The following KRIT1 variants were observed in gnomAD, a reference collection of about 807,000 sequenced individuals.
KRIT1 encodes the protein krev interaction trapped protein 1.
In KRIT1, 45 loss-of-function variants were observed where a neutral mutation model predicts 95.8. The observed-to-expected ratio is 0.47, with a 90% CI of 0.37 to 0.60. KRIT1 has a LOEUF of 0.60. Ranked by LOEUF, KRIT1 falls within the 20% of genes least tolerant of loss-of-function variation. The pLI, the probability that KRIT1 is intolerant of heterozygous loss-of-function variation, is 0.00. For missense variants in KRIT1, 788 were observed against 877.5 expected (o/e 0.90, Z 1.29); for synonymous variants, 282 against 278.8 (o/e 1.01, Z -0.11).
intron 17 of KRIT1, among the ~76,000 whole-genome samples, chr7:92,207,326 C>T (rs1204684181): frequency 1.3e-5 from 2 of 151,448 alleles, no homozygotes; most frequent in African/African-American, 2.4e-5. Flanking sequence ...GAAGAAACTA[C>T]AGGCCAGAAG....
rs889046518 is a variant in KRIT1, at chr7:92,234,636, A to G, written c.846-44T>C. 1.9e-6 allele frequency: 3 copies of G among 1,556,876 alleles called. No individual in the cohort carries two copies. The African/African-American group carries it at 4.1e-5, about 21-fold the overall frequency. On this transcript the variant is annotated intron_variant, in intron 9 of 18. Coordinates refer to ENST00000394505, the MANE Select transcript of KRIT1 (RefSeq NM_194454.3). ...TTTTGAAAAATACAACAGGACTGTA[A>G]AAATTGTTTCAAAAGAAATGTGACA...
intron 15 of KRIT1, 106 bp downstream of exon 15, chr7:92,214,505 C>T: frequency 3.6e-6 from 3 of 827,800 alleles, no homozygotes; most frequent in Admixed American, 2.4e-5. Flanking sequence ...TATTTAATTC[C>T]AAACCAATGT....
At chr7:92,234,411 ATTCT>A (rs1797966831) in intron 10 of KRIT1, 34 bp downstream of exon 10, 1 of 1,455,492 alleles carries the variant, frequency 6.9e-7, no homozygotes, top group African/African-American at 1.4e-5. Flanking sequence ...TAAAAAATGT[ATTCT>A]TTCTAAAAAG....
Position 92,226,687 on chromosome 7 carries a change from A to C in KRIT1, c.990-5T>G. ...GTGGCCTCAACTTTTCCATACCTGTATAAAAAAACAAACAAACAAAAAACA... is the reference window on the plus strand; with the variant it reads ...GTGGCCTCAACTTTTCCATACCTGTCTAAAAAAACAAACAAACAAAAAACA... On this transcript the variant is annotated splice_polypyrimidine_tract_variant and splice_region_variant and intron_variant, in intron 10 of 18. Coordinates refer to ENST00000394505, the MANE Select transcript of KRIT1 (RefSeq NM_194454.3). 2 of 1,612,428 alleles carry C rather than the reference A, an allele frequency of 1.2e-6. No homozygotes were observed. The highest frequency in any genetic ancestry group is 1.7e-6 in the Non-Finnish European group (2 of 1,179,214).
At chr7:92,213,778 C>T in intron 16 of KRIT1, 114 bp downstream of exon 16, 1 of 714,232 alleles carries the variant, frequency 1.4e-6, no homozygotes, top group Non-Finnish European at 2.5e-6. Flanking sequence ...CTAGAAGATA[C>T]ATTTTTAATT....
In KRIT1 at chr7:92,234,567, G is replaced by GA. The variant is rs771475911; in HGVS notation, c.870dup (p.Pro291SerfsTer8). ...CCTTCACAGGCGCTTCGGTGGAGAG[G>GA]AAAATCATCTACCCACTGTCGTTCC... On this transcript the variant is annotated frameshift_variant, in exon 10 of 19. Transcript: ENST00000394505. LOFTEE classifies it high-confidence loss of function. 2 of 1,613,096 alleles carry GA rather than the reference G, an allele frequency of 1.2e-6. No homozygotes were observed. Among genetic ancestry groups the GA allele is most frequent in the Non-Finnish European group, 1.7e-6 (2 of 1,179,168 alleles).
chr7:92,223,015 A>C, intron 12 of KRIT1, 37 bp from the exon 13 acceptor site: 1 of 1,335,754 alleles, frequency 7.5e-7, no homozygotes, highest in Non-Finnish European at 1.1e-6. Flanking sequence ...GAACTTAAAA[A>C]ATTATACATC....
chr7:92,229,359 C>A (rs1398636948), intron 10 of KRIT1, among the ~76,000 whole-genome samples: 1 of 152,186 alleles, frequency 6.6e-6, no homozygotes, highest in Non-Finnish European at 1.5e-5. Context: ...AGTACACAGA[C>A]AACCTACAGA....
chr7:92,200,640 C>A lies in KRIT1; in HGVS notation c.*96G>T. On this transcript the variant is annotated 3_prime_UTR_variant, in exon 19 of 19. Transcript: ENST00000394505. ...GTGCTGGAATTACAGGGGTGAGCCA[C>A]CATGCTCGGCCAAAAGTAATATTTT... 6 of 832,048 alleles carry A rather than the reference C, an allele frequency of 7.2e-6. 1 individual carries two copies. The highest frequency in any genetic ancestry group is 5.6e-5 in the South Asian group (4 of 70,844). 51.5% of individuals were successfully genotyped at this position (832,048 alleles called of 1,614,324 possible).
chr7:92,207,740 C>T lies in KRIT1; in HGVS notation c.2025+5455G>A, dbSNP rs999950530. 5.3e-5 allele frequency among the ~76,000 whole-genome samples: 8 copies of T among 152,056 alleles called. No individual in the cohort carries two copies. In the South Asian group the frequency reaches 1.2e-3, roughly 24 times the overall value. ...GGTGTGGTGGCACATGCCTGTAATC[C>T]CAGCTACTCAGGAGGCTAAGGCAGG... On this transcript the variant is annotated intron_variant, in intron 17 of 18. Transcript: ENST00000394505.
chr7:92,213,497 CA>C (rs1793323304), intron 16 of KRIT1, 96 bp from the exon 17 acceptor site: 4 of 772,384 alleles, frequency 5.2e-6, no homozygotes, highest in Non-Finnish European at 8.7e-6. Context: ...TTTCTAAAAT[CA>C]AGATTGCCCC....
intron 9 of KRIT1, 57 bp downstream of exon 9, chr7:92,234,751 T>A: frequency 8.3e-7 from 1 of 1,200,976 alleles, no homozygotes; most frequent in South Asian, 1.2e-5. Flanking sequence ...TAAACAATAC[T>A]TTAAATTAGA....
rs1025633213 is a variant in KRIT1 at position 92,200,399 on chromosome 7, G to C, written c.*337C>G. The C allele has an allele frequency of 1.1e-5, 3 of 284,122 alleles. No homozygotes were observed. The highest frequency in any genetic ancestry group is 6.7e-5 in the African/African-American group (3 of 44,660). The allele number at this position is 284,122 out of a possible 1,614,324, so 17.6% of individuals were successfully genotyped here. A position where few individuals can be genotyped will look rare whatever the true frequency, so the allele number is the denominator to read the frequency against. ...AGATGGAGTCTTGCTGTGTCACCCA[G>C]GCTAGCGTGCCGTGGTGCAATCTTG... On this transcript the variant is annotated 3_prime_UTR_variant, in exon 19 of 19. Transcript: ENST00000394505.
intron 17 of KRIT1, chr7:92,206,073 A>T (rs1791418190): frequency 1.3e-5 from 2 of 153,088 alleles, no homozygotes; most frequent in South Asian, 4.1e-4. Flanking sequence ...TGCCACCAGC[A>T]CACATTATCT....
chr7:92,232,531 C>T (rs1490204192), intron 10 of KRIT1, among the ~76,000 whole-genome samples: 1 of 149,798 alleles, frequency 6.7e-6, no homozygotes, highest in East Asian at 1.9e-4. Context: ...AAAAAAAACA[C>T]CCCTGCCACA....
chr7:92,215,936 A>C (rs1362031301), intron 14 of KRIT1, among the ~76,000 whole-genome samples: 2 of 152,156 alleles, frequency 1.3e-5, no homozygotes, highest in Non-Finnish European at 2.9e-5. Flanking sequence ...CTTGAATAAA[A>C]ATGATTTTTG....
At chr7:92,201,576 T>G in intron 17 of KRIT1, 153 bp from the exon 18 acceptor site, 1 of 609,634 alleles carries the variant, frequency 1.6e-6, no homozygotes, top group South Asian at 1.8e-5. Context: ...GGGGTACACG[T>G]GCAGAATGTG....
chr7:92,213,241 A>G lies in KRIT1; in HGVS notation c.1979T>C (p.Val660Ala), dbSNP rs758931490. 11 of 1,613,494 alleles carry G rather than the reference A, an allele frequency of 6.8e-6. No homozygotes were observed. Among genetic ancestry groups the G allele is most frequent in the Non-Finnish European group, 9.3e-6 (11 of 1,179,552 alleles). ...ATGAAGTCCTTTTATATTCACTCCT[A>G]CATACACAGGGATGACTTTATGATT... ...PSNHKVIPVY[V>A]GVNIKGLHLL... is the part of the protein sequence containing the mutation. Residue 660 changes from valine (V) to alanine (A), a missense_variant, in exon 17 of 19, where the codon GTA (valine) becomes GCA (alanine). Val to Ala is a moderately conservative substitution (Grantham distance 64). This residue lies in a region of KRIT1 where 493 missense variants were observed against 582.3 expected (regional missense o/e 0.85). Coordinates refer to ENST00000394505, the MANE Select transcript of KRIT1 (RefSeq NM_194454.3).
At chr7:92,229,119 C>G (rs995499342) in intron 10 of KRIT1, among the ~76,000 whole-genome samples, 3 of 152,088 alleles carry the variant, frequency 2.0e-5, no homozygotes, top group African/African-American at 7.2e-5. Context: ...AATGGGATTG[C>G]TAGGTCAAAT....
Sources: gnomAD v4.1 joint callset for allele counts (sites outside exome capture counted in the v4.1 genomes callset) on GRCh38, gnomAD v4.1.1 for gene constraint, gnomAD v4.1.1 regional missense constraint, MANE v1.5 for transcripts, NCBI Gene and HGNC (gene_info 2026-07-23, HGNC 2026-07-21) for gene names.